The following ELP5 variants were observed in gnomAD, a reference collection of about 807,000 sequenced individuals.
The protein encoded by ELP5 is elongator complex protein 5.
ELP5 carries 34 observed loss-of-function variants against 33.4 expected under a neutral mutation model. That is an observed-to-expected ratio of 1.02 (90% CI 0.78 to 1.36). ELP5 has a LOEUF of 1.36. ELP5 is among the 40% of genes most tolerant of loss of function. The pLI is 0.00. For missense variants in ELP5, 373 were observed against 371.7 expected (o/e 1.00, Z -0.03); for synonymous variants, 161 against 146.4 (o/e 1.10, Z -0.72).
chr17:7,253,952 A>G lies in ELP5; in HGVS notation c.189-631A>G, dbSNP rs565589954. ...GCAGAGGTTGCAGTGAGCGGAGATC[A>G]CGCCATTGCACTCCAGCCTGGGCAA... On this transcript the variant is annotated intron_variant, in intron 3 of 7. Transcript: ENST00000396628. Among the ~76,000 whole-genome samples the G allele has an allele frequency of 5.4e-3, 821 of 151,422 alleles. 5 individuals are homozygous for G. The highest frequency in any genetic ancestry group is 0.018 in the African/African-American group (753 of 41,210).
At chr17:7,256,777 G>C (rs555401367) in intron 4 of ELP5, 80 bp from the exon 5 acceptor site, 4 of 1,432,168 alleles carry the variant, frequency 2.8e-6, no homozygotes, top group East Asian at 4.5e-5. Context: ...GAATTGTGAG[G>C]CTCTCTCTTC....
upstream of ELP5, chr17:7,252,180 C>T (rs1014796948): frequency 1.0e-5 from 4 of 387,954 alleles, no homozygotes; most frequent in African/African-American, 2.1e-5. Context: ...GAAGCAGGCC[C>T]CGCCTCAAAC....
At chr17:7,257,835 CG>C (rs1479391905) in intron 5 of ELP5, among the ~76,000 whole-genome samples, 1 of 152,120 alleles carries the variant, frequency 6.6e-6, no homozygotes, top group Non-Finnish European at 1.5e-5. Context: ...TTTGGGGGGC[CG>C]AGGTGGGCAG....
At chr17:7,256,449 A>G (rs973609992) in intron 4 of ELP5, among the ~76,000 whole-genome samples, 1 of 152,246 alleles carries the variant, frequency 6.6e-6, no homozygotes, top group Non-Finnish European at 1.5e-5. Flanking sequence ...AGCGTTTAGC[A>G]TAGTACCTGA....
rs761660323 is a variant in ELP5, at chr17:7,254,926, G to A, written c.409+123G>A. On this transcript the variant is annotated intron_variant, in intron 4 of 7. Coordinates refer to ENST00000396628, the MANE Select transcript of ELP5 (RefSeq NM_203414.3). ...CAGTCAGACCTTTTTTCATTTTTTT[G>A]ACTTTTTTGTCTGTTTTTTTTTTTT... The A allele has an allele frequency of 3.6e-5, 26 of 722,628 alleles. No individual in the cohort carries two copies. In the Admixed American group the frequency reaches 5.9e-4, roughly 16 times the overall value. 44.8% of individuals were successfully genotyped at this position (722,628 alleles called of 1,614,324 possible).
At chr17:7,255,777 A>G (rs186892570) in intron 4 of ELP5, among the ~76,000 whole-genome samples, 4 of 151,960 alleles carry the variant, frequency 2.6e-5, no homozygotes, top group Non-Finnish European at 4.4e-5. Context: ...GTTGTTAAAT[A>G]TTGTCTGGGC....
chr17:7,255,848 A>C (rs1259683286), intron 4 of ELP5, among the ~76,000 whole-genome samples: 1 of 149,702 alleles, frequency 6.7e-6, no homozygotes, highest in Middle Eastern at 3.4e-3. Context: ...GATCACCTGG[A>C]GTTGGAGACC....
Position 7,257,034 on chromosome 17 carries a change from AC to A in ELP5, c.589del (p.Gln197ArgfsTer21). The A allele has an allele frequency of 6.3e-7, 1 of 1,582,246 alleles. No individual in the cohort carries two copies. Among genetic ancestry groups the A allele is most frequent in the Non-Finnish European group, 8.6e-7 (1 of 1,167,066 alleles). ...LCRRPRQRPT[D>X]QTQWFSILPD... ...CGGAGGCCCCGACAGCGCCCAACTGACCAGGTCAGAAGAACCAACAGAGAAG... is the reference window on the plus strand; with the variant it reads ...CGGAGGCCCCGACAGCGCCCAACTGACAGGTCAGAAGAACCAACAGAGAAG... On this transcript the variant is annotated frameshift_variant, in exon 5 of 8. Coordinates refer to ENST00000396628, the MANE Select transcript of ELP5 (RefSeq NM_203414.3). LOFTEE classifies it high-confidence loss of function.
At chr17:7,258,479 C>T (rs2072128720) in intron 5 of ELP5, 109 bp from the exon 6 acceptor site, 4 of 1,024,332 alleles carry the variant, frequency 3.9e-6, no homozygotes, top group East Asian at 2.4e-5. Flanking sequence ...AGGGCAGGAG[C>T]TGAAAGCAGT....
Position 7,258,862 on chromosome 17 carries a change from C to T in ELP5, c.724C>T (p.Leu242=). The T allele has an allele frequency of 6.2e-7, 1 of 1,614,164 alleles. No homozygotes were observed. Among genetic ancestry groups the T allele is most frequent in the Non-Finnish European group, 8.5e-7 (1 of 1,180,034 alleles). ...PTTHLTFNLH[L]SKKEREARDS... is the part of the protein sequence containing the mutation. Reference sequence around the variant, plus strand: ...AACTCATTTGACCTTTAACCTTCACCTGTCCAAGAAAGAGAGAGAAGCCAG... The same window carrying T: ...AACTCATTTGACCTTTAACCTTCACTTGTCCAAGAAAGAGAGAGAAGCCAG... The change falls in exon 7 of 8, where the codon CTG becomes TTG. Residue 242 remains leucine (L), a synonymous_variant. Transcript: ENST00000396628.
intron 5 of ELP5, 45 bp downstream of exon 5, chr17:7,257,083 A>T (rs1567593187): frequency 1.3e-6 from 2 of 1,498,074 alleles, no homozygotes; most frequent in South Asian, 1.3e-5. Flanking sequence ...GGGACAGAGA[A>T]AGGGGTGGCA....
intron 3 of ELP5, among the ~76,000 whole-genome samples, chr17:7,253,904 G>A (rs1159661004): frequency 1.3e-5 from 2 of 151,984 alleles, no homozygotes; most frequent in Non-Finnish European, 2.9e-5. Context: ...GGCTGAGGCA[G>A]GAGAATCGCT....
chr17:7,258,566 C>A (rs1567593878), intron 5 of ELP5, 22 bp from the exon 6 acceptor site: 2 of 1,610,202 alleles, frequency 1.2e-6, no homozygotes, highest in South Asian at 1.1e-5. Flanking sequence ...ATGAAAAAAA[C>A]TCTTTTCTTT....
chr17:7,253,036 A>G, intron 3 of ELP5, 38 bp downstream of exon 3: 1 of 1,596,238 alleles, frequency 6.3e-7, no homozygotes. Flanking sequence ...TAAATTTGAG[A>G]CCTATAATGC....
rs1399988498 is a variant in ELP5 at position 7,259,179 on chromosome 17, A to T, written c.788+253A>T. ...GAGCACCCTGGGCCTGGGCTGAGCC[A>T]GACCAGACCCTTGGGAGGTGGCCCT... On this transcript the variant is annotated intron_variant, in intron 7 of 7. Coordinates refer to ENST00000396628, the MANE Select transcript of ELP5 (RefSeq NM_203414.3). 5 of 1,400,010 alleles carry T rather than the reference A, an allele frequency of 3.6e-6. No individual in the cohort carries two copies. The Admixed American group carries it at 1.5e-4, about 42-fold the overall frequency. The allele number at this position is 1,400,010 out of a possible 1,614,324, so 86.7% of individuals were successfully genotyped here. A position where few individuals can be genotyped will look rare whatever the true frequency, so the allele number is the denominator to read the frequency against.
chr17:7,259,311 G>A (rs1567594520), intron 7 of ELP5: 29 of 1,385,944 alleles, frequency 2.1e-5, no homozygotes, highest in Admixed American at 3.0e-5. Flanking sequence ...GTATGTGGGC[G>A]GATGACGCAA....
chr17:7,252,839 C>A lies in ELP5; in HGVS notation c.107+9C>A. ...AAGAAATCTGCACTGTGGTGAGTAT[C>A]CCACAGTGTCTCCCCGGCCTACCCT... On this transcript the variant is annotated intron_variant, in intron 2 of 7. Coordinates refer to ENST00000396628, the MANE Select transcript of ELP5 (RefSeq NM_203414.3). 5.0e-6 allele frequency: 8 copies of A among 1,614,064 alleles called. No homozygotes were observed. Among genetic ancestry groups the A allele is most frequent in the South Asian group, 1.1e-5 (1 of 91,082 alleles).
chr17:7,252,630 G>A (rs2071969260), intron 1 of ELP5, 34 bp downstream of exon 1: 4 of 1,605,546 alleles, frequency 2.5e-6, no homozygotes, highest in Admixed American at 1.7e-5. Context: ...GGGGCGGGGG[G>A]TGCGGTTCGG....
At chr17:7,252,193 C>G, upstream of ELP5, 1 of 390,860 alleles carries the variant, frequency 2.6e-6, no homozygotes, top group Non-Finnish European at 4.8e-6. Context: ...CCTCAAACTG[C>G]GTGGGCGGGG....
Sources: gnomAD v4.1 joint callset for allele counts (sites outside exome capture counted in the v4.1 genomes callset) on GRCh38, gnomAD v4.1.1 for gene constraint, MANE v1.5 for transcripts, NCBI Gene and HGNC (gene_info 2026-07-23, HGNC 2026-07-21) for gene names.